Variants in MAPK4 observed in about 807,000 individuals in gnomAD.
MAPK4 encodes the protein Erk3-related.
A neutral mutation model predicts 47.7 loss-of-function variants in MAPK4; 22 were observed. The observed-to-expected ratio is 0.46, with a 90% CI of 0.33 to 0.66. The LOEUF is 0.66. MAPK4 is among the 30% of genes least tolerant of loss of function. The probability of loss-of-function intolerance (pLI) is 0.02; values close to 1 mark genes in which losing one functional copy is unlikely to be tolerated. For synonymous variants in MAPK4, 390 were observed against 365.7 expected, an observed-to-expected ratio of 1.07 and a Z score of -0.76; for missense variants, 736 against 831.7, an observed-to-expected ratio of 0.88 and a Z score of 1.42.
intron 2 of MAPK4, among the ~76,000 whole-genome samples, chr18:50,683,365 C>T (rs908806083): frequency 2.6e-5 from 4 of 151,844 alleles, no homozygotes; most frequent in Admixed American, 6.6e-5. Context: ...TCGAGTGATC[C>T]GCCTGCCTCA....
chr18:50,572,369 AC>A (rs2042257476), intron 1 of MAPK4, among the ~76,000 whole-genome samples: 1 of 152,092 alleles, frequency 6.6e-6, no homozygotes, highest in African/African-American at 2.4e-5. Context: ...CTGAATGGAG[AC>A]TAAGGACAAA....
chr18:50,665,173 G>A (rs1471581390), intron 2 of MAPK4, among the ~76,000 whole-genome samples: 1 of 152,188 alleles, frequency 6.6e-6, no homozygotes, highest in African/African-American at 2.4e-5. Context: ...CCAACTGCAG[G>A]GATCAGAGCT....
intron 1 of MAPK4, among the ~76,000 whole-genome samples, chr18:50,627,072 C>T (rs1220688049): frequency 7.8e-6 from 1 of 127,608 alleles, no homozygotes; most frequent in African/African-American, 2.9e-5. Context: ...CTCATCTTGG[C>T]CACATGGCCT....
intron 5 of MAPK4, among the ~76,000 whole-genome samples, chr18:50,727,099 A>C (rs947806549): frequency 6.6e-6 from 1 of 152,198 alleles, no homozygotes; most frequent in African/African-American, 2.4e-5. Context: ...AGCGTTGGGT[A>C]GAAGATGTAT....
intron 1 of MAPK4, among the ~76,000 whole-genome samples, chr18:50,604,418 G>A (rs1018602768): frequency 6.6e-6 from 1 of 152,088 alleles, no homozygotes; most frequent in Non-Finnish European, 1.5e-5. Flanking sequence ...CTTCATACCG[G>A]ATAAATAAGG....
At chr18:50,669,432 G>A (rs976392013) in intron 2 of MAPK4, 1 of 152,238 alleles carries the variant, frequency 6.6e-6, no homozygotes, top group Non-Finnish European at 1.5e-5. Context: ...GTGAGAGTGT[G>A]TTGCTCCAGG....
At chr18:50,568,192 T>C (rs1374063719) in intron 1 of MAPK4, among the ~76,000 whole-genome samples, 2 of 139,082 alleles carry the variant, frequency 1.4e-5, no homozygotes, top group African/African-American at 5.4e-5. Flanking sequence ...CCAGACGCTG[T>C]CCCAAAAAAA....
At chr18:50,584,175 G>A (rs770244990) in intron 1 of MAPK4, among the ~76,000 whole-genome samples, 4 of 152,152 alleles carry the variant, frequency 2.6e-5, no homozygotes, top group East Asian at 1.9e-4. Flanking sequence ...TCTAAATACC[G>A]TTTGCTACTT....
chr18:50,724,651 T>G (rs1911099312), intron 4 of MAPK4, among the ~76,000 whole-genome samples: 1 of 152,126 alleles, frequency 6.6e-6, no homozygotes, highest in African/African-American at 2.4e-5. Context: ...AATTTGGGGG[T>G]CTAGGGTTAC....
chr18:50,601,333 C>CAAAAA (rs35148592), intron 1 of MAPK4, among the ~76,000 whole-genome samples: 6 of 53,194 alleles, frequency 1.1e-4, no homozygotes, highest in African/African-American at 3.6e-4. Context: ...GACTCTATGT[C>CAAAAA]AAAAAAAAAA....
chr18:50,615,518 C>T (rs191155667), intron 1 of MAPK4, among the ~76,000 whole-genome samples: 256 of 152,224 alleles, frequency 1.7e-3, no homozygotes, highest in Middle Eastern at 3.4e-3. Context: ...CAGGACATGC[C>T]CCTCTTTTTC....
At chr18:50,645,032 G>C (rs1324638844) in intron 1 of MAPK4, among the ~76,000 whole-genome samples, 1 of 152,212 alleles carries the variant, frequency 6.6e-6, no homozygotes, top group African/African-American at 2.4e-5. Context: ...TAGAGGGAAG[G>C]TGAGGGAGAG....
chr18:50,710,472 G>A (rs1240084312), intron 2 of MAPK4, among the ~76,000 whole-genome samples: 1 of 151,826 alleles, frequency 6.6e-6, no homozygotes, highest in Admixed American at 6.6e-5. Flanking sequence ...AACAGAGCGA[G>A]ACCCTATCTC....
chr18:50,581,312 T>A (rs111994697), intron 1 of MAPK4, among the ~76,000 whole-genome samples: 65 of 152,268 alleles, frequency 4.3e-4, no homozygotes, highest in African/African-American at 1.6e-3. Context: ...GCCACAGACA[T>A]CTGGAAGCTT....
At chr18:50,588,206 AT>A (rs1315715248) in intron 1 of MAPK4, among the ~76,000 whole-genome samples, 2 of 152,158 alleles carry the variant, frequency 1.3e-5, no homozygotes, top group African/African-American at 4.8e-5. Flanking sequence ...CTTCCGCTCC[AT>A]GTGGCATCAA....
At chr18:50,652,980 G>A (rs866502441) in intron 1 of MAPK4, among the ~76,000 whole-genome samples, 4 of 152,076 alleles carry the variant, frequency 2.6e-5, no homozygotes, top group African/African-American at 7.2e-5. Flanking sequence ...CCAGGAGTTC[G>A]AGACCAGCCT....
intron 1 of MAPK4, among the ~76,000 whole-genome samples, chr18:50,594,200 G>A (rs767891196): frequency 4.6e-5 from 7 of 152,238 alleles, no homozygotes; most frequent in Middle Eastern, 3.4e-3. Context: ...TATTCTAGCC[G>A]CGCTGGCAGC....
In MAPK4 at chr18:50,663,802, C is replaced by T; in HGVS notation, c.-157C>T. On this transcript the variant is annotated 5_prime_UTR_variant, in exon 2 of 6. Transcript: ENST00000400384. Reference sequence around the variant, plus strand: ...GCATGACCATATGCCATTCTCGTCTCCAGAGAGCTGGTGGCAGTGACCTCA... The same window carrying T: ...GCATGACCATATGCCATTCTCGTCTTCAGAGAGCTGGTGGCAGTGACCTCA... 1.6e-6 allele frequency: 1 copy of T among 632,324 alleles called. No individual in the cohort carries two copies. The highest frequency in any genetic ancestry group is 2.7e-6 in the Non-Finnish European group (1 of 367,046). 39.2% of individuals were successfully genotyped at this position (632,324 alleles called of 1,614,324 possible).
chr18:50,640,041 A>G (rs1308116073), intron 1 of MAPK4, among the ~76,000 whole-genome samples: 1 of 152,248 alleles, frequency 6.6e-6, no homozygotes, highest in Non-Finnish European at 1.5e-5. Flanking sequence ...ACAAGGGAAC[A>G]TTAGAGCAAG....
Sources: gnomAD v4.1 joint callset for allele counts (sites outside exome capture counted in the v4.1 genomes callset) on GRCh38, gnomAD v4.1.1 for gene constraint, MANE v1.5 for transcripts, NCBI Gene and HGNC (gene_info 2026-07-23, HGNC 2026-07-21) for gene names.